Variants in RALYL observed in about 807,000 individuals in gnomAD.
The protein encoded by RALYL is RALY RNA binding protein like.
Under a neutral mutation model 35.1 loss-of-function variants are expected in RALYL, and 29 were observed. That is an observed-to-expected ratio of 0.83 (90% CI 0.61 to 1.13). The LOEUF is 1.13. RALYL is among the 50% of genes most tolerant of loss of function. The pLI is 0.00. For synonymous variants in RALYL, 120 were observed against 127.6 expected, an observed-to-expected ratio of 0.94 and a Z score of 0.40; for missense variants, 359 against 360.4, an observed-to-expected ratio of 1.00 and a Z score of 0.03.
At chr8:84,812,221 T>C (rs1826065583) in intron 4 of RALYL, among the ~76,000 whole-genome samples, 1 of 152,120 alleles carries the variant, frequency 6.6e-6, no homozygotes, top group Non-Finnish European at 1.5e-5. Flanking sequence ...CACATTTCCC[T>C]GTTGATGTGG....
At chr8:84,711,176 A>G (rs1842123850) in intron 2 of RALYL, among the ~76,000 whole-genome samples, 1 of 152,170 alleles carries the variant, frequency 6.6e-6, no homozygotes, top group Non-Finnish European at 1.5e-5. Context: ...CAATAAGTAG[A>G]GTGACTAAAG....
chr8:84,796,057 A>T (rs2133908918), intron 3 of RALYL, among the ~76,000 whole-genome samples: 1 of 152,302 alleles, frequency 6.6e-6, no homozygotes, highest in East Asian at 1.9e-4. Context: ...ACGAGAGTCC[A>T]CTGTGAGTAC....
At chr8:84,285,144 G>A (rs1329551381) in intron 1 of RALYL, among the ~76,000 whole-genome samples, 2 of 152,094 alleles carry the variant, frequency 1.3e-5, no homozygotes, top group Admixed American at 6.6e-5. Flanking sequence ...TGAGATTATG[G>A]ATGCTGCGCT....
At position 84,814,314 on chromosome 8, in the gene RALYL, T is replaced by G. The variant is rs142120724; in HGVS notation, c.365+9512T>G. Among the ~76,000 whole-genome samples, 359 of 152,292 alleles carry G rather than the reference T, an allele frequency of 2.4e-3. 4 individuals carry two copies. The highest frequency in any genetic ancestry group is 8.5e-3 in the African/African-American group (352 of 41,562). ...TACATTATAAAAAGCAAAAGAAGTT[T>G]CATTATAAAAACCAACAGAAGTTAT... On this transcript the variant is annotated intron_variant, in intron 4 of 8. Transcript: ENST00000521268.
intron 4 of RALYL, among the ~76,000 whole-genome samples, chr8:84,807,159 C>A (rs916834044): frequency 6.6e-6 from 1 of 152,140 alleles, no homozygotes; most frequent in Non-Finnish European, 1.5e-5. Flanking sequence ...CCCTCACCCC[C>A]CTCCCAACCT....
chr8:84,788,284 A>G (rs542843237), intron 3 of RALYL, among the ~76,000 whole-genome samples: 2 of 152,198 alleles, frequency 1.3e-5, no homozygotes, highest in Non-Finnish European at 2.9e-5. Context: ...GTCTACAACC[A>G]TATGATCTTT....
intron 1 of RALYL, among the ~76,000 whole-genome samples, chr8:84,370,588 C>A (rs959070641): frequency 6.6e-6 from 1 of 151,770 alleles, no homozygotes; most frequent in African/African-American, 2.4e-5. Flanking sequence ...GAAACAGGAA[C>A]AAAGAAAAGG....
rs980961189 is a variant in RALYL, at chr8:84,192,910, G to T, written c.-24+8486G>T. 3.3e-4 allele frequency among the ~76,000 whole-genome samples: 49 copies of T among 146,524 alleles called. 2 individuals are homozygous for T. Among genetic ancestry groups the T allele is most frequent in the East Asian group, 1.2e-3 (6 of 4,888 alleles). ...GAGTGTGTGTGTGTGTGTGTGTGGGGGGGGGGGTTGTGTACGTGTATATGT... is the reference window on the plus strand; with the variant it reads ...GAGTGTGTGTGTGTGTGTGTGTGGGTGGGGGGGTTGTGTACGTGTATATGT... On this transcript the variant is annotated intron_variant, in intron 1 of 8. Coordinates refer to ENST00000521268, the MANE Select transcript of RALYL (RefSeq NM_173848.7).
At chr8:84,889,556 C>A (rs1362614785) in intron 8 of RALYL, among the ~76,000 whole-genome samples, 1 of 152,164 alleles carries the variant, frequency 6.6e-6, no homozygotes, top group Non-Finnish European at 1.5e-5. Flanking sequence ...TCTTTCTACA[C>A]CCTGTCCCAA....
At chr8:84,533,905 A>G (rs926630701) in intron 2 of RALYL, among the ~76,000 whole-genome samples, 5 of 152,244 alleles carry the variant, frequency 3.3e-5, no homozygotes, top group Non-Finnish European at 7.3e-5. Flanking sequence ...AAATGCTTGT[A>G]ACAATTCCCG....
At chr8:84,561,067 T>A (rs1199029108) in intron 2 of RALYL, among the ~76,000 whole-genome samples, 1 of 152,064 alleles carries the variant, frequency 6.6e-6, no homozygotes, top group African/African-American at 2.4e-5. Flanking sequence ...TTGAATACAA[T>A]ATGCCAGGCA....
At chr8:84,539,894 G>A (rs2059905270) in intron 2 of RALYL, among the ~76,000 whole-genome samples, 1 of 135,242 alleles carries the variant, frequency 7.4e-6, no homozygotes, top group African/African-American at 2.7e-5. Flanking sequence ...ATATGTGTGT[G>A]TGTGTGTGTG....
rs186750000 is a variant in RALYL at position 84,413,824 on chromosome 8, C to T, written c.-23-115475C>T. On this transcript the variant is annotated intron_variant, in intron 1 of 8. Transcript: ENST00000521268. Reference sequence around the variant, plus strand: ...TAGTGAAATCAATATCAGCTTATTTCCTATTTTGAGTCATGAACCAAATCA... The same window carrying T: ...TAGTGAAATCAATATCAGCTTATTTTCTATTTTGAGTCATGAACCAAATCA... 1.1e-3 allele frequency among the ~76,000 whole-genome samples: 163 copies of T among 152,018 alleles called. 1 individual carries two copies. The highest frequency in any genetic ancestry group is 3.0e-3 in the African/African-American group (126 of 41,530).
At chr8:84,738,813 G>A (rs1011407994) in intron 2 of RALYL, among the ~76,000 whole-genome samples, 3 of 151,972 alleles carry the variant, frequency 2.0e-5, no homozygotes, top group South Asian at 2.1e-4. Flanking sequence ...AGTACTAACC[G>A]TAACTGCCCG....
intron 1 of RALYL, among the ~76,000 whole-genome samples, chr8:84,408,825 C>A (rs1176810253): frequency 1.3e-5 from 2 of 152,032 alleles, no homozygotes; most frequent in Non-Finnish European, 2.9e-5. Flanking sequence ...AAATATTATT[C>A]TGTATTTACC....
At chr8:84,821,898 G>A (rs1259497296) in intron 4 of RALYL, among the ~76,000 whole-genome samples, 2 of 152,038 alleles carry the variant, frequency 1.3e-5, no homozygotes, top group Non-Finnish European at 2.9e-5. Flanking sequence ...ATCCTCAAAT[G>A]TTTCATGTTT....
At chr8:84,812,819 A>C (rs190965676) in intron 4 of RALYL, among the ~76,000 whole-genome samples, 4 of 152,212 alleles carry the variant, frequency 2.6e-5, no homozygotes, top group Admixed American at 1.3e-4. Flanking sequence ...CAGGCTTGAG[A>C]ACTTGCCCCA....
rs1259505652 is a variant in RALYL at position 84,240,952 on chromosome 8, T to G, written c.-24+56528T>G. On this transcript the variant is annotated intron_variant, in intron 1 of 8. Coordinates refer to ENST00000521268, the MANE Select transcript of RALYL (RefSeq NM_173848.7). The stretch of plus-strand genomic sequence containing the variant: ...CTACCTCATTCCCTACCTCCCTTGG[T>G]ATTAACAGGGAAAAATTCTATTAAA... 8.5e-5 allele frequency among the ~76,000 whole-genome samples: 13 copies of G among 152,226 alleles called. No individual in the cohort carries two copies. The East Asian group carries it at 2.1e-3, about 25-fold the overall frequency.
intron 3 of RALYL, among the ~76,000 whole-genome samples, chr8:84,796,842 C>T (rs1320107434): frequency 1.3e-5 from 2 of 152,178 alleles, no homozygotes; most frequent in Non-Finnish European, 2.9e-5. Flanking sequence ...ATAGCCTGGG[C>T]CACCATCATA....
Sources: allele counts gnomAD v4.1 joint callset (sites outside exome capture counted in the v4.1 genomes callset), GRCh38; gene constraint gnomAD v4.1.1; transcripts MANE v1.5; gene names NCBI Gene and HGNC (gene_info 2026-07-23, HGNC 2026-07-21).